PCDH11X: variants seen among roughly 807,000 people sequenced by gnomAD.
PCDH11X encodes the protein protocadherin-11 X-linked.
A neutral mutation model predicts 53.3 loss-of-function variants in PCDH11X; 18 were observed. The observed-to-expected ratio is 0.34, with a 90% confidence interval of 0.23 to 0.50. The LOEUF is 0.50. Among genes scored for constraint, PCDH11X ranks in the 20% least tolerant of loss-of-function variants. The probability of loss-of-function intolerance (pLI) is 0.98; values close to 1 mark genes in which losing one functional copy is unlikely to be tolerated. For missense variants in PCDH11X, 570 were observed against 1,032.4 expected (o/e 0.55, Z 6.14); for synonymous variants, 279 against 393.3 (o/e 0.71, Z 3.44).
At chrX:92,233,736 G>C (rs6652623) in intron 7 of PCDH11X, among the ~76,000 whole-genome samples, 6 of 112,086 alleles carry the variant, frequency 5.4e-5, no homozygotes, top group African/African-American at 1.9e-4. Flanking sequence ...AGCTACACTA[G>C]CCACAGTAAT....
intron 6 of PCDH11X, among the ~76,000 whole-genome samples, chrX:92,015,892 T>C: frequency 8.9e-6 from 1 of 112,038 alleles, no homozygotes; most frequent in Admixed American, 9.5e-5. Flanking sequence ...CATTTGCGTT[T>C]CTCAGATTCA....
intron 8 of PCDH11X, among the ~76,000 whole-genome samples, chrX:92,350,295 T>A (rs1569471305): frequency 9.1e-6 from 1 of 109,687 alleles, no homozygotes; most frequent in Non-Finnish European, 1.9e-5. Context: ...TGGGGCATGT[T>A]AAGGAACCTT....
chrX:92,025,357 G>GA (rs1353427746), intron 6 of PCDH11X, among the ~76,000 whole-genome samples: 20 of 99,524 alleles, frequency 2.0e-4, no homozygotes, highest in East Asian at 1.0e-3. Flanking sequence ...ATATTTACAA[G>GA]AAAAAAAAAC....
At chrX:91,938,836 C>T (rs1306520102) in intron 6 of PCDH11X, among the ~76,000 whole-genome samples, 2 of 110,565 alleles carry the variant, frequency 1.8e-5, no homozygotes, top group East Asian at 5.7e-4. Context: ...CATCTACTAA[C>T]AAATAACAAA....
intron 6 of PCDH11X, among the ~76,000 whole-genome samples, chrX:91,901,013 T>C (rs1173907431): frequency 9.0e-6 from 1 of 111,123 alleles, no homozygotes; most frequent in Non-Finnish European, 1.9e-5. Flanking sequence ...CCTCAGGAAG[T>C]GAATGAGCTT....
At chrX:92,556,512 A>T (rs2075048350) in intron 10 of PCDH11X, among the ~76,000 whole-genome samples, 1 of 111,720 alleles carries the variant, frequency 9.0e-6, no homozygotes, top group Non-Finnish European at 1.9e-5. Flanking sequence ...AATAAATCTT[A>T]ACACTCCAAA....
intron 5 of PCDH11X, among the ~76,000 whole-genome samples, chrX:91,848,932 A>G (rs1246367685): frequency 9.0e-6 from 1 of 110,924 alleles, no homozygotes; most frequent in Non-Finnish European, 1.9e-5. Flanking sequence ...ATATGACATT[A>G]CTTATGAAAA....
chrX:92,083,672 A>G (rs1270846992), intron 6 of PCDH11X, among the ~76,000 whole-genome samples: 1 of 111,715 alleles, frequency 9.0e-6, no homozygotes, highest in African/African-American at 3.2e-5. Flanking sequence ...GTGTTTTACC[A>G]TCATTTTGGG....
chrX:92,578,602 A>C (rs975532560), intron 10 of PCDH11X, among the ~76,000 whole-genome samples: 1 of 109,470 alleles, frequency 9.1e-6, no homozygotes, highest in Non-Finnish European at 1.9e-5. Flanking sequence ...TTTGCTTGGT[A>C]ATTTTTTCTC....
At chrX:92,151,799 A>G (rs1166600804) in intron 6 of PCDH11X, among the ~76,000 whole-genome samples, 1 of 111,368 alleles carries the variant, frequency 9.0e-6, no homozygotes, top group African/African-American at 3.3e-5. Flanking sequence ...TTAAATCACA[A>G]TTATTTTATT....
intron 10 of PCDH11X, among the ~76,000 whole-genome samples, chrX:92,593,168 T>A (rs112288827): frequency 0.26 from 28,544 of 109,692 alleles, 3,096 homozygotes; most frequent in African/African-American, 0.38. Flanking sequence ...TCAGATATGG[T>A]TTGCTAGATG....
intron 8 of PCDH11X, among the ~76,000 whole-genome samples, chrX:92,298,112 G>T (rs1312009462): frequency 9.0e-6 from 1 of 111,695 alleles, no homozygotes; most frequent in African/African-American, 3.3e-5. Flanking sequence ...TTGACTTGCT[G>T]TCATCCTATT....
chrX:91,833,278 T>C (rs1468729453), intron 4 of PCDH11X, among the ~76,000 whole-genome samples: 1 of 111,530 alleles, frequency 9.0e-6, no homozygotes, highest in Non-Finnish European at 1.9e-5. Context: ...ACTTCTTAGA[T>C]ATGCTAGATT....
chrX:92,105,526 G>C (rs6618855), intron 6 of PCDH11X, among the ~76,000 whole-genome samples: 17,344 of 108,604 alleles, frequency 0.16, 1,324 homozygotes, highest in East Asian at 0.39. Flanking sequence ...GGGCTGAGTC[G>C]GAAAAGAGAG....
chrX:92,361,304 C>A (rs2070340819), intron 8 of PCDH11X, among the ~76,000 whole-genome samples: 1 of 110,478 alleles, frequency 9.1e-6, no homozygotes, highest in Non-Finnish European at 1.9e-5. Flanking sequence ...ATGATCAGGT[C>A]TTTATTATTT....
chrX:92,458,897 A>G (rs1457125778), intron 9 of PCDH11X, among the ~76,000 whole-genome samples: 2 of 109,832 alleles, frequency 1.8e-5, no homozygotes, highest in African/African-American at 3.3e-5. Flanking sequence ...TAAACCCAAC[A>G]GTGGAATTGC....
chrX:92,605,133 G>A (rs6619087), intron 10 of PCDH11X, among the ~76,000 whole-genome samples: 25,103 of 108,079 alleles, frequency 0.23, 2,594 homozygotes, highest in African/African-American at 0.32. Flanking sequence ...AACTGCACAG[G>A]CATGATTTTC....
chrX:92,449,894 A>AC, intron 9 of PCDH11X, among the ~76,000 whole-genome samples: 1 of 110,945 alleles, frequency 9.0e-6, no homozygotes, highest in East Asian at 2.8e-4. Context: ...ACAAAAAGAG[A>AC]CCCCCTGGCA....
chrX:92,541,849 T>C (rs1473056553), intron 10 of PCDH11X, among the ~76,000 whole-genome samples: 2 of 110,817 alleles, frequency 1.8e-5, no homozygotes, highest in Non-Finnish European at 3.8e-5. Context: ...CTTGGGAGGC[T>C]GAGGCAGGAG....
Sources: gnomAD v4.1 joint callset for allele counts (sites outside exome capture counted in the v4.1 genomes callset) on GRCh38, gnomAD v4.1.1 for gene constraint, MANE v1.5 for transcripts, NCBI Gene and HGNC (gene_info 2026-07-23, HGNC 2026-07-21) for gene names.